The following STOX1 variants were observed in gnomAD, a reference collection of about 807,000 sequenced individuals.
STOX1 encodes the protein storkhead-box protein 1.
STOX1 carries 57 observed loss-of-function variants against 74.8 expected under a neutral mutation model. The ratio of observed to expected loss-of-function variants is 0.76; its 90% CI spans 0.62 to 0.95. The LOEUF is 0.95. Ranked by LOEUF, STOX1 falls within the 40% of genes least tolerant of loss-of-function variation. The pLI is 0.00. For synonymous variants in STOX1, 375 were observed against 401.3 expected (o/e 0.93, Z 0.78); for missense variants, 1,010 against 1,117.0 (o/e 0.90, Z 1.37).
At chr10:68,828,689 TTTA>T (rs1285620128) in intron 1 of STOX1, among the ~76,000 whole-genome samples, 2 of 152,122 alleles carry the variant, frequency 1.3e-5, no homozygotes, top group African/African-American at 4.8e-5. Flanking sequence ...ATCTGGCAGC[TTTA>T]TTATTATTAT....
At chr10:68,865,727 G>T (rs1020599272) in intron 1 of STOX1, among the ~76,000 whole-genome samples, 5 of 152,164 alleles carry the variant, frequency 3.3e-5, no homozygotes, top group African/African-American at 9.7e-5. Flanking sequence ...TGCCCCCTAG[G>T]TTGTATAACT....
chr10:68,880,895 T>C (rs1840801496), intron 1 of STOX1, among the ~76,000 whole-genome samples: 1 of 152,174 alleles, frequency 6.6e-6, no homozygotes, highest in Non-Finnish European at 1.5e-5. Context: ...GGTTTTACCA[T>C]GTTGGCCAGG....
intron 1 of STOX1, among the ~76,000 whole-genome samples, chr10:68,853,921 G>A (rs1589223618): frequency 6.6e-6 from 1 of 151,832 alleles, no homozygotes; most frequent in East Asian, 1.9e-4. Context: ...CCGACCTCAG[G>A]TGATATGCCT....
rs547404717 is a variant in STOX1, at chr10:68,885,727, G to A, written c.1931G>A (p.Arg644Gln). The A allele has an allele frequency of 5.0e-6, 8 of 1,614,122 alleles. No homozygotes were observed. The highest frequency in any genetic ancestry group is 4.4e-5 in the South Asian group (4 of 91,090). ...CAGACTCCGCATAGTCTGCCATCACGAGGTGCCTCCTTTTCAGACCGAACA... is the reference window on the plus strand; with the variant it reads ...CAGACTCCGCATAGTCTGCCATCACAAGGTGCCTCCTTTTCAGACCGAACA... ...TKQTPHSLPS[R>Q]GASFSDRTPS... The change falls in exon 3 of 4, where the codon CGA becomes CAA. Residue 644 changes from arginine (R) to glutamine (Q), a missense_variant. Physicochemically the swap from Arg to Gln is conservative, Grantham distance 43. Coordinates refer to ENST00000298596, the MANE Select transcript of STOX1 (RefSeq NM_152709.5).
chr10:68,888,349 G>A (rs10823266), intron 3 of STOX1, among the ~76,000 whole-genome samples: 86,759 of 151,896 alleles, frequency 0.57, 26,034 homozygotes, highest in East Asian at 0.89. Context: ...TGATCTGCCC[G>A]CCTCGGCCTC....
chr10:68,877,313 T>G (rs368054192), intron 1 of STOX1, among the ~76,000 whole-genome samples: 1 of 152,162 alleles, frequency 6.6e-6, no homozygotes, highest in East Asian at 1.9e-4. Flanking sequence ...TTTTTAAGAG[T>G]ATCTTTGGAT....
intron 1 of STOX1, among the ~76,000 whole-genome samples, chr10:68,860,204 G>A (rs1449701299): frequency 3.3e-5 from 5 of 151,338 alleles, no homozygotes; most frequent in South Asian, 4.2e-4. Flanking sequence ...GGAGGCGGAC[G>A]TTGCAGTGAC....
At position 68,885,036 on chromosome 10, in the gene STOX1, A is replaced by G; in HGVS notation, c.1240A>G (p.Lys414Glu). The change falls in exon 3 of 4, where the codon AAA becomes GAA. Residue 414 changes from lysine (K) to glutamate (E), a missense_variant. Transcript: ENST00000298596. ...GTATCCTTCAAAAGAGGGGGTTAAGAAAAGGCAGGGTCTGTCTGCAAAACC... is the reference window on the plus strand; with the variant it reads ...GTATCCTTCAAAAGAGGGGGTTAAGGAAAGGCAGGGTCTGTCTGCAAAACC... ...HKYPSKEGVK[K>E]RQGLSAKPQG... is the part of the protein sequence containing the mutation. 6.2e-7 allele frequency: 1 copy of G among 1,614,220 alleles called. No individual in the cohort carries two copies. The highest frequency in any genetic ancestry group is 8.5e-7 in the Non-Finnish European group (1 of 1,180,036).
chr10:68,846,871 G>C (rs1267191854), intron 1 of STOX1: 2 of 152,258 alleles, frequency 1.3e-5, no homozygotes, highest in African/African-American at 4.8e-5. Flanking sequence ...TGGCCCCTGT[G>C]CAAGGGTGAC....
At chr10:68,882,986 G>A (rs544066445) in intron 2 of STOX1, among the ~76,000 whole-genome samples, 14 of 152,142 alleles carry the variant, frequency 9.2e-5, no homozygotes, top group African/African-American at 2.6e-4. Context: ...CCTCAAACTC[G>A]TGGGTTGAAG....
chr10:68,888,077 GCACACACGCACACACACGCGCA>G (rs914059132), intron 3 of STOX1, among the ~76,000 whole-genome samples: 1 of 150,902 alleles, frequency 6.6e-6, no homozygotes. Context: ...ACACACGCGC[GCACACACGCACACACACGCGCA>G]CACACACATA....
intron 1 of STOX1, among the ~76,000 whole-genome samples, chr10:68,843,651 G>A (rs534600660): frequency 5.9e-5 from 9 of 152,092 alleles, no homozygotes; most frequent in African/African-American, 1.9e-4. Flanking sequence ...TCTGCCTTCC[G>A]GGTTCAAGCG....
At chr10:68,888,435 A>G (rs1241422779) in intron 3 of STOX1, among the ~76,000 whole-genome samples, 1 of 151,988 alleles carries the variant, frequency 6.6e-6, no homozygotes, top group Non-Finnish European at 1.5e-5. Flanking sequence ...ATCATTTTAT[A>G]TTTGGTTTGT....
intron 1 of STOX1, among the ~76,000 whole-genome samples, chr10:68,828,691 TA>T (rs943274473): frequency 1.3e-5 from 2 of 152,134 alleles, no homozygotes; most frequent in African/African-American, 4.8e-5. Context: ...CTGGCAGCTT[TA>T]TTATTATTAT....
intron 1 of STOX1, among the ~76,000 whole-genome samples, chr10:68,872,170 C>T (rs1471770563): frequency 6.6e-6 from 1 of 152,012 alleles, no homozygotes; most frequent in Non-Finnish European, 1.5e-5. Context: ...TGAGTTAGAG[C>T]AGCTCTGTTA....
rs570200298 is a variant in STOX1 at position 68,888,609 on chromosome 10, G to T, written c.2822+1991G>T. On this transcript the variant is annotated intron_variant, in intron 3 of 3. Transcript: ENST00000298596. Reference sequence around the variant, plus strand: ...TTCTCAAAGGTCATTCTAAAATTTGGTTCATATCTTTGCCAGTATTTTTTT... The same window carrying T: ...TTCTCAAAGGTCATTCTAAAATTTGTTTCATATCTTTGCCAGTATTTTTTT... Among the ~76,000 whole-genome samples the T allele has an allele frequency of 2.3e-4, 34 of 146,170 alleles. 1 individual carries two copies. Among genetic ancestry groups the T allele is most frequent in the Non-Finnish European group, 2.5e-4 (17 of 66,884 alleles).
chr10:68,857,172 AACT>A (rs2133551046), intron 1 of STOX1, among the ~76,000 whole-genome samples: 1 of 152,250 alleles, frequency 6.6e-6, no homozygotes, highest in South Asian at 2.1e-4. Flanking sequence ...AAATAATTAT[AACT>A]ACATAGGCAC....
At chr10:68,886,964 C>A (rs550156731) in intron 3 of STOX1, among the ~76,000 whole-genome samples, 1 of 151,856 alleles carries the variant, frequency 6.6e-6, no homozygotes, top group Non-Finnish European at 1.5e-5. Context: ...AGCCACAGTT[C>A]TACAGGAATT....
chr10:68,835,110 C>T (rs1017930340), intron 1 of STOX1, among the ~76,000 whole-genome samples: 2 of 152,106 alleles, frequency 1.3e-5, no homozygotes, highest in African/African-American at 4.8e-5. Context: ...GGCATAATCT[C>T]GGCTCACTGT....
Sources: allele counts gnomAD v4.1 joint callset (sites outside exome capture counted in the v4.1 genomes callset), GRCh38; gene constraint gnomAD v4.1.1; transcripts MANE v1.5; gene names NCBI Gene and HGNC (gene_info 2026-07-23, HGNC 2026-07-21).